NOXO1: variants seen among roughly 807,000 people sequenced by gnomAD.
NOXO1 encodes NADPH oxidase organizer 1.
Under a neutral mutation model 33.3 loss-of-function variants are expected in NOXO1, and 38 were observed. That is an observed-to-expected ratio of 1.14 (90% CI 0.88 to 1.50). NOXO1 has a LOEUF of 1.50. Ranked by LOEUF, NOXO1 falls within the 40% of genes most tolerant of loss-of-function variation. NOXO1 has a pLI of 0.00. For missense variants in NOXO1, 675 were observed against 527.1 expected (o/e 1.28, Z -2.75); for synonymous variants, 302 against 237.3 (o/e 1.27, Z -2.51).
rs966611708 is a variant in NOXO1, at chr16:1,981,349, T to C, written c.-170A>G. ...GCCCCAGCTGAGTCCTTTGCAGCTTTCTTGCTGTCCCCCAAGCCCACGATC... is the reference window on the plus strand; with the variant it reads ...GCCCCAGCTGAGTCCTTTGCAGCTTCCTTGCTGTCCCCCAAGCCCACGATC... On this transcript the variant is annotated 5_prime_UTR_variant, in exon 1 of 8. Coordinates refer to ENST00000356120, the MANE Select transcript of NOXO1 (RefSeq NM_172167.3). The C allele has an allele frequency of 1.4e-6, 2 of 1,429,836 alleles. No individual in the cohort carries two copies. Among genetic ancestry groups the C allele is most frequent in the Non-Finnish European group, 1.8e-6 (2 of 1,093,666 alleles). The allele number at this position is 1,429,836 out of a possible 1,614,324, so 88.6% of individuals were successfully genotyped here.
At chr16:1,979,644 G>A (rs986877505) in intron 6 of NOXO1, 102 bp from the exon 7 acceptor site, 1 of 1,274,744 alleles carries the variant, frequency 7.8e-7, no homozygotes, top group Non-Finnish European at 1.1e-6. Context: ...TGACGGCGGG[G>A]CCGCTCTAAG....
chr16:1,979,473 GC>G lies in NOXO1; in HGVS notation c.769del (p.Ala257ArgfsTer39), dbSNP rs1314214543. 5.6e-6 allele frequency: 9 copies of G among 1,611,642 alleles called. No homozygotes were observed. The highest frequency in any genetic ancestry group is 6.8e-6 in the Non-Finnish European group (8 of 1,179,470). The stretch of plus-strand genomic sequence containing the variant: ...TGACGTTTCCAACACGCGCACGCGC[GC>G]CCCCGCGGGCACGGACAGCTCATCT... ...RADELSVPAG[A>X]RVRVLETSDR... is the part of the protein sequence containing the mutation. On this transcript the variant is annotated frameshift_variant, in exon 7 of 8. Coordinates refer to ENST00000356120, the MANE Select transcript of NOXO1 (RefSeq NM_172167.3). LOFTEE classifies it low-confidence loss of function (END_TRUNC).
rs1160909438 is a variant in NOXO1, at chr16:1,980,701, C to G, written c.178G>C (p.Ala60Pro). The G allele has an allele frequency of 6.2e-7, 1 of 1,606,532 alleles. No individual in the cohort carries two copies. The highest frequency in any genetic ancestry group is 1.7e-5 in the Admixed American group (1 of 59,192). The change falls in exon 3 of 8, where the codon GCG becomes CCG. Residue 60 changes from alanine (A) to proline (P), a missense_variant. Coordinates refer to ENST00000356120, the MANE Select transcript of NOXO1 (RefSeq NM_172167.3). Reference protein sequence around the residue: ...KTLKETFPVEAGLLRRSDRVL... With the variant: ...KTLKETFPVEPGLLRRSDRVL... ...CGGTCAGATCTCCGCAGCAGGCCCG[C>G]CTCCACCGGGAAGGTCTCCTTGAGG...
chr16:1,980,833 G>A, intron 2 of NOXO1, 102 bp from the exon 3 acceptor site: 3 of 1,465,946 alleles, frequency 2.0e-6, no homozygotes, highest in East Asian at 2.4e-5. Context: ...GCTTCAGCAG[G>A]GACGAAGGGC....
chr16:1,979,830 C>T lies in NOXO1; in HGVS notation c.660G>A (p.Pro220=), dbSNP rs746806483. ...FPAPYLEEAA[P]GQGREGGPSL... ...ACGGGCCTCCCTCCCGGCCTTGGCCCGGGGCCGCCTCCTCCAGGTAGGGCG... is the reference window on the plus strand; with the variant it reads ...ACGGGCCTCCCTCCCGGCCTTGGCCTGGGGCCGCCTCCTCCAGGTAGGGCG... Residue 220 remains proline, a synonymous_variant, in exon 6 of 8, where the codon CCG becomes CCA. Transcript: ENST00000356120. 4.0e-5 allele frequency: 63 copies of T among 1,572,268 alleles called. No homozygotes were observed. The South Asian group carries it at 6.4e-4, about 16-fold the overall frequency.
rs12933767 is a variant in NOXO1 at position 1,979,787 on chromosome 16, T to C, written c.700+3A>G. On this transcript the variant is annotated splice_donor_region_variant and intron_variant, in intron 6 of 7. Transcript: ENST00000356120. ...GGCGTGAGGGGTGGGGTTAGGCGCA[T>C]ACCGCTGCTCCCTAGGGACGGGCCT... is the stretch of plus-strand genomic sequence containing the variant. The C allele has an allele frequency of 0.085, 130,200 of 1,537,630 alleles. 6,149 individuals carry two copies. Among genetic ancestry groups the C allele is most frequent in the Non-Finnish European group, 0.091 (104,177 of 1,141,964 alleles).
rs1271957017 is a variant in NOXO1 at position 1,979,016 on chromosome 16, A to G, written c.*36T>C. The G allele has an allele frequency of 6.6e-7, 1 of 1,520,302 alleles. No individual in the cohort carries two copies. Among genetic ancestry groups the G allele is most frequent in the Non-Finnish European group, 8.8e-7 (1 of 1,141,256 alleles). The allele number at this position is 1,520,302 out of a possible 1,614,324, so 94.2% of individuals were successfully genotyped here. ...CTCCCCGCTCCTCCCCAGCCCTGGG[A>G]TGGCGCGGTCCATCCCCTCATCGGG... On this transcript the variant is annotated 3_prime_UTR_variant, in exon 8 of 8. Transcript: ENST00000356120.
At chr16:1,980,238 G>C in intron 4 of NOXO1, 57 bp from the exon 5 acceptor site, 1 of 1,537,196 alleles carries the variant, frequency 6.5e-7, no homozygotes, top group Admixed American at 1.9e-5. Flanking sequence ...GTGAAACTGG[G>C]GGCGCCACCC....
Position 1,979,259 on chromosome 16 carries a change from T to C in NOXO1, c.909A>G (p.Gly303=). 6.5e-7 allele frequency: 1 copy of C among 1,531,470 alleles called. No individual in the cohort carries two copies. The highest frequency in any genetic ancestry group is 8.7e-7 in the Non-Finnish European group (1 of 1,146,252). The allele number at this position is 1,531,470 out of a possible 1,614,324, so 94.9% of individuals were successfully genotyped here. ...ALLSGTGFRG[G]DDPAGEARGF... ...CCCGGGCCTCACCCGCCGGGTCGTC[T>C]CCTCCACGGAACCCCGTCCCGCTCA... The change falls in exon 8 of 8, where the codon GGA becomes GGG. Residue 303 remains glycine (G), a synonymous_variant. Transcript: ENST00000356120.
intron 2 of NOXO1, 79 bp from the exon 3 acceptor site, chr16:1,980,810 G>T (rs947187167): frequency 4.0e-6 from 6 of 1,490,486 alleles, no homozygotes; most frequent in African/African-American, 2.8e-5. Context: ...CACCCGGATG[G>T]CAGGGGCTGG....
chr16:1,980,912 G>A (rs2083495169), intron 2 of NOXO1, 27 bp downstream of exon 2: 1 of 1,597,648 alleles, frequency 6.3e-7, no homozygotes. Context: ...CGCCACCGCG[G>A]CATCAGGGTG....
chr16:1,980,530 C>G lies in NOXO1; in HGVS notation c.238G>C (p.Gly80Arg). ...LPKLLDAPLL[G>R]RVGRTSRGLA... ...CCGCGGCTCGTGCGCCCCACGCGTC[C>G]CAACAGTGGTGCATCTTAAGGCACC... is the stretch of plus-strand genomic sequence containing the variant. The change falls in exon 4 of 8, where the codon GGA (glycine) becomes CGA (arginine). Residue 80 changes from glycine to arginine, a missense_variant. Transcript: ENST00000356120. 1.2e-6 allele frequency: 2 copies of G among 1,603,522 alleles called. No homozygotes were observed. Among genetic ancestry groups the G allele is most frequent in the Non-Finnish European group, 1.7e-6 (2 of 1,178,340 alleles).
chr16:1,981,108 T>C lies in NOXO1; in HGVS notation c.66+6A>G. On this transcript the variant is annotated splice_donor_region_variant and intron_variant, in intron 1 of 7. Transcript: ENST00000356120. ...TGGGGCCACTAAGGACCCAGCCAGGTCTTACTTGGAGCCTCTTGATCTGCA... is the reference window on the plus strand; with the variant it reads ...TGGGGCCACTAAGGACCCAGCCAGGCCTTACTTGGAGCCTCTTGATCTGCA... 6.2e-7 allele frequency: 1 copy of C among 1,613,190 alleles called. No individual in the cohort carries two copies. Among genetic ancestry groups the C allele is most frequent in the South Asian group, 1.1e-5 (1 of 91,074 alleles).
chr16:1,979,964 G>A (rs1250257508), intron 5 of NOXO1, 33 bp downstream of exon 5: 2 of 1,580,406 alleles, frequency 1.3e-6, no homozygotes, highest in Non-Finnish European at 1.7e-6. Flanking sequence ...CAGGAGCAGA[G>A]GAGCAAATCC....
chr16:1,980,077 A>G lies in NOXO1; in HGVS notation c.506T>C (p.Phe169Ser). 5 of 1,608,010 alleles carry G rather than the reference A, an allele frequency of 3.1e-6. No homozygotes were observed. Among genetic ancestry groups the G allele is most frequent in the South Asian group, 1.1e-5 (1 of 90,144 alleles). ...EAQSLRCLQP[F>S]CTQDTRDRPF... Reference sequence around the variant, plus strand: ...CCTATCCCGCGTGTCCTGGGTACAGAAGGGCTGCAGGCAGCGCAGGCTCTG... The same window carrying G: ...CCTATCCCGCGTGTCCTGGGTACAGGAGGGCTGCAGGCAGCGCAGGCTCTG... The change falls in exon 5 of 8, where the codon TTC becomes TCC. Residue 169 changes from phenylalanine (F) to serine (S), a missense_variant. Coordinates refer to ENST00000356120, the MANE Select transcript of NOXO1 (RefSeq NM_172167.3).
rs142083369 is a variant in NOXO1, at chr16:1,980,433, C to G, written c.335G>C (p.Ser112Thr). 1 of 1,602,352 alleles carries G rather than the reference C, an allele frequency of 6.2e-7. No homozygotes were observed. Among genetic ancestry groups the G allele is most frequent in the Non-Finnish European group, 8.5e-7 (1 of 1,179,858 alleles). ...TGCGAAGAAGCCAGTGATCGTCGGG[C>G]TCCGTGCCACGCGCTCTGCAGTCGC... ...LLATAERVARSPTITGFFAPQ... is the reference protein window; with the variant it reads ...LLATAERVARTPTITGFFAPQ... Residue 112 changes from serine (S) to threonine (T), a missense_variant, in exon 4 of 8, where the codon AGC (serine) becomes ACC (threonine). Coordinates refer to ENST00000356120, the MANE Select transcript of NOXO1 (RefSeq NM_172167.3).
Position 1,980,477 on chromosome 16 carries a change from G to T in NOXO1, c.291C>A (p.Thr97=). 1.2e-6 allele frequency: 2 copies of T among 1,602,558 alleles called. No individual in the cohort carries two copies. The highest frequency in any genetic ancestry group is 2.2e-5 in the South Asian group (2 of 91,060). Residue 97 remains threonine (T), a synonymous_variant, in exon 4 of 8, where the codon ACC becomes ACA. Transcript: ENST00000356120. The part of the protein sequence containing the change: ...RGLARLQLLE[T]YSRRLLATAE... ...CAGTCGCCAGCAGCCTCCGAGAATA[G>T]GTTTCCAACAGCTGCAGGCGCGCCA...
chr16:1,980,167 G>GGCA lies in NOXO1; in HGVS notation c.413_415dup (p.Leu138dup). The GGCA allele has an allele frequency of 6.2e-7, 1 of 1,601,942 alleles. No individual in the cohort carries two copies. The highest frequency in any genetic ancestry group is 8.5e-7 in the Non-Finnish European group (1 of 1,176,984). On this transcript the variant is annotated inframe_insertion, in exon 5 of 8. Coordinates refer to ENST00000356120, the MANE Select transcript of NOXO1 (RefSeq NM_172167.3). ...AGAAAGAGGCTGCTCCTCTGGGGTG[G>GGCA]GCAGGATCACCCGGCTGGGAAGGGC... is the stretch of plus-strand genomic sequence containing the variant.
At chr16:1,980,613 C>G in intron 3 of NOXO1, 43 bp downstream of exon 3, 1 of 1,590,998 alleles carries the variant, frequency 6.3e-7, no homozygotes, top group Non-Finnish European at 8.6e-7. Flanking sequence ...CGCCCCCAGG[C>G]AAGCCACCGC....
Sources: allele counts gnomAD v4.1 joint callset, GRCh38; gene constraint gnomAD v4.1.1; transcripts MANE v1.5; gene names NCBI Gene and HGNC (gene_info 2026-07-23, HGNC 2026-07-21).